The following OSR1 variants were observed in gnomAD, a reference collection of about 807,000 sequenced individuals.
OSR1 encodes the protein odd-skipped related transcription factor 1.
A neutral mutation model predicts 15.7 loss-of-function variants in OSR1; 3 were observed. That is an observed-to-expected ratio of 0.19 (90% CI 0.09 to 0.50). OSR1 has a LOEUF of 0.50. OSR1 is among the 20% of genes least tolerant of loss of function. The probability of loss-of-function intolerance (pLI) is 0.97; values close to 1 mark genes in which losing one functional copy is unlikely to be tolerated. For synonymous variants in OSR1, 166 were observed against 152.7 expected (o/e 1.09, Z -0.64); for missense variants, 271 against 351.1 (o/e 0.77, Z 1.82).
chr2:19,345,215 A>T, the OSR1 span, among the ~76,000 whole-genome samples: 2 of 152,202 alleles, frequency 1.3e-5, no homozygotes, highest in African/African-American at 4.8e-5. Flanking sequence ...CCTTTGTCAG[A>T]TGAGTAGGTT....
At chr2:19,350,132 G>T (rs2103357590), downstream of OSR1, among the ~76,000 whole-genome samples, 1 of 152,368 alleles carries the variant, frequency 6.6e-6, no homozygotes, top group African/African-American at 2.4e-5. Flanking sequence ...GACCAGACCA[G>T]ACTCAGCAGC....
In OSR1 at chr2:19,357,591, C is replaced by G. The variant is rs1664975924; in HGVS notation, c.-33+750G>C. 6.6e-6 allele frequency: 1 copy of G among 152,194 alleles called. No individual in the cohort carries two copies. The highest frequency in any genetic ancestry group is 6.5e-5 in the Admixed American group (1 of 15,278). 9.4% of individuals were successfully genotyped at this position (152,194 alleles called of 1,614,324 possible). ...ACTTTTCCTGTCCCCAGCCCGGAGA[C>G]CCTAGGGCTCCACAGAGTTTCCACT... On this transcript the variant is annotated intron_variant, in intron 1 of 2. Transcript: ENST00000272223. This position sits in a 1 kb window ranked among gnomAD's most constrained non-coding sequence, Gnocchi z 5.0.
downstream of OSR1, among the ~76,000 whole-genome samples, chr2:19,347,963 G>A (rs902471389): frequency 6.6e-6 from 1 of 152,250 alleles, no homozygotes; most frequent in Non-Finnish European, 1.5e-5. Flanking sequence ...GCAAAACACT[G>A]AACTCCGCGA....
In OSR1 at chr2:19,358,610, G is replaced by A. The variant is rs1049677687; in HGVS notation, c.-302C>T. ...TGAGAACGTGCCGGGGAGAGGCCGAGCTCCGACTCACTCATCCCTTAGCAC... is the reference window on the plus strand; with the variant it reads ...TGAGAACGTGCCGGGGAGAGGCCGAACTCCGACTCACTCATCCCTTAGCAC... On this transcript the variant is annotated 5_prime_UTR_variant, in exon 1 of 3. Coordinates refer to ENST00000272223, the MANE Select transcript of OSR1 (RefSeq NM_145260.3). 2.6e-5 allele frequency: 4 copies of A among 152,242 alleles called. No individual in the cohort carries two copies. Among genetic ancestry groups the A allele is most frequent in the African/African-American group, 9.7e-5 (4 of 41,448 alleles). The allele number at this position is 152,242 out of a possible 1,614,324, so 9.4% of individuals were successfully genotyped here. A position where few individuals can be genotyped will look rare whatever the true frequency, so the allele number is the denominator to read the frequency against.
rs1489056968 is a variant in OSR1 at position 19,358,533 on chromosome 2, G to T, written c.-225C>A. 6.6e-6 allele frequency: 1 copy of T among 152,274 alleles called. No homozygotes were observed. Among genetic ancestry groups the T allele is most frequent in the Non-Finnish European group, 1.5e-5 (1 of 68,084 alleles). 9.4% of individuals were successfully genotyped at this position (152,274 alleles called of 1,614,324 possible). A position where few individuals can be genotyped will look rare whatever the true frequency, so the allele number is the denominator to read the frequency against. On this transcript the variant is annotated 5_prime_UTR_variant, in exon 1 of 3. Coordinates refer to ENST00000272223, the MANE Select transcript of OSR1 (RefSeq NM_145260.3). ...AGCAGCCCCGGATCCTGCACGCCGG[G>T]GACGGTGAGCCTCGCTCGCGGCTCC...
rs923800427 is a variant in OSR1 at position 19,353,466 on chromosome 2, T to G, written c.340A>C (p.Lys114Gln). Residue 114 changes from lysine (K) to glutamine (Q), a missense_variant, in exon 2 of 3, where the codon AAG becomes CAG. Around this residue, in one of 4 missense-constraint regions of OSR1, gnomAD observed 210 missense variants for 218.4 expected, o/e 0.96. Transcript: ENST00000272223. Reference sequence around the variant, plus strand: ...AGGTTGGCAAAATCAAAGCGCGGCTTGGTCTTGAGCGCTGGAACGCTGCCT... The same window carrying G: ...AGGTTGGCAAAATCAAAGCGCGGCTGGGTCTTGAGCGCTGGAACGCTGCCT... Reference protein sequence around the residue: ...AGGSVPALKTKPRFDFANLAL... With the variant: ...AGGSVPALKTQPRFDFANLAL... 2 of 1,613,898 alleles carry G rather than the reference T, an allele frequency of 1.2e-6. No individual in the cohort carries two copies. The highest frequency in any genetic ancestry group is 2.7e-5 in the African/African-American group (2 of 74,942).
downstream of OSR1, among the ~76,000 whole-genome samples, chr2:19,348,206 G>T (rs1664772527): frequency 6.6e-6 from 1 of 152,142 alleles, no homozygotes; most frequent in Admixed American, 6.5e-5. Context: ...AGAAGAGGAC[G>T]CTGCAGGGCA....
At chr2:19,347,613 G>T (rs1202500015), downstream of OSR1, among the ~76,000 whole-genome samples, 1 of 152,236 alleles carries the variant, frequency 6.6e-6, no homozygotes, top group Admixed American at 6.5e-5. Flanking sequence ...CTCTAGAGAC[G>T]GCCCAGGAAG....
intron 2 of OSR1, 77 bp downstream of exon 2, chr2:19,353,064 T>C: frequency 6.5e-7 from 1 of 1,534,318 alleles, no homozygotes; most frequent in Non-Finnish European, 8.8e-7. Flanking sequence ...GTAGGGGGTC[T>C]CAAGAACCTC....
chr2:19,353,554 G>C lies in OSR1; in HGVS notation c.252C>G (p.Phe84Leu), dbSNP rs1483660555. Residue 84 changes from phenylalanine to leucine, a missense_variant, in exon 2 of 3, where the codon TTC becomes TTG. Phe to Leu is a conservative substitution (Grantham distance 22, BLOSUM62 0). Around this residue, in one of 4 missense-constraint regions of OSR1, gnomAD observed 210 missense variants for 218.4 expected, o/e 0.96. Coordinates refer to ENST00000272223, the MANE Select transcript of OSR1 (RefSeq NM_145260.3). ...GTVSSLVDARFQLPAFPWFPH... is the reference protein window; with the variant it reads ...GTVSSLVDARLQLPAFPWFPH... ...GGAACCAGGGAAAGGCGGGCAGCTG[G>C]AAGCGCGCATCCACCAAGCTGGACA... The C allele has an allele frequency of 1.2e-6, 2 of 1,614,132 alleles. No homozygotes were observed. Among genetic ancestry groups the C allele is most frequent in the Non-Finnish European group, 1.7e-6 (2 of 1,180,048 alleles).
At chr2:19,348,149 G>A (rs1389538589), downstream of OSR1, among the ~76,000 whole-genome samples, 1 of 152,158 alleles carries the variant, frequency 6.6e-6, no homozygotes, top group African/African-American at 2.4e-5. Flanking sequence ...GGCAACTGCT[G>A]CCCTGAAACC....
At chr2:19,354,389 T>TCACA (rs5829692) in intron 1 of OSR1, 3,431 of 146,442 alleles carry the variant, frequency 0.023, 64 homozygotes, top group African/African-American at 0.052. Context: ...CCCCTGAATC[T>TCACA]CACACACACA....
At position 19,352,108 on chromosome 2, in the gene OSR1, G is replaced by T. The variant is rs868334500; in HGVS notation, c.*167C>A. On this transcript the variant is annotated 3_prime_UTR_variant, in exon 3 of 3. Transcript: ENST00000272223. ...CAGGGACGGTCGGGGTCGCGGCCCCGGGCGGGGCTCTGAAGTGCCGCGTGC... is the reference window on the plus strand; with the variant it reads ...CAGGGACGGTCGGGGTCGCGGCCCCTGGCGGGGCTCTGAAGTGCCGCGTGC... The T allele has an allele frequency of 4.4e-6, 3 of 689,150 alleles. No homozygotes were observed. In the Middle Eastern group the frequency reaches 1.3e-3, roughly 301 times the overall value. The allele number at this position is 689,150 out of a possible 1,614,324, so 42.7% of individuals were successfully genotyped here.
intron 1 of OSR1, chr2:19,356,334 AAC>A (rs1167954452): frequency 6.6e-6 from 1 of 152,168 alleles, no homozygotes; most frequent in African/African-American, 2.4e-5. Context: ...TGTTTTCCCC[AAC>A]ACTACATTTA....
At position 19,351,577 on chromosome 2, in the gene OSR1, C is replaced by T. The variant is rs1307957589; in HGVS notation, c.*698G>A. 1.3e-5 allele frequency: 2 copies of T among 152,598 alleles called. No homozygotes were observed. The highest frequency in any genetic ancestry group is 2.4e-5 in the African/African-American group (1 of 41,438). 9.5% of individuals were successfully genotyped at this position (152,598 alleles called of 1,614,324 possible). On this transcript the variant is annotated 3_prime_UTR_variant, in exon 3 of 3. Transcript: ENST00000272223. ...CCGATGGTCAGCATAAAGTGCCAAT[C>T]GCAATATAACGCCCGGCTCTTGGCT...
chr2:19,352,174 C>CCGAG lies in OSR1; in HGVS notation c.*97_*100dup. The CCGAG allele has an allele frequency of 7.3e-7, 1 of 1,371,144 alleles. No homozygotes were observed. Among genetic ancestry groups the CCGAG allele is most frequent in the Non-Finnish European group, 1.0e-6 (1 of 1,002,512 alleles). The allele number at this position is 1,371,144 out of a possible 1,614,324, so 84.9% of individuals were successfully genotyped here. A position where few individuals can be genotyped will look rare whatever the true frequency, so the allele number is the denominator to read the frequency against. On this transcript the variant is annotated 3_prime_UTR_variant, in exon 3 of 3. Transcript: ENST00000272223. Reference sequence around the variant, plus strand: ...GACAATGTTGGAGAGGTGGAAGGTCCCGAGCGAGCGCCTCTCCCGCTGCCC... The same window carrying CCGAG: ...GACAATGTTGGAGAGGTGGAAGGTCCCGAGCGAGCGAGCGCCTCTCCCGCTGCCC...
chr2:19,352,037 AG>A lies in OSR1; in HGVS notation c.*237del. The A allele has an allele frequency of 2.5e-6, 1 of 402,890 alleles. No individual in the cohort carries two copies. The highest frequency in any genetic ancestry group is 4.4e-6 in the Non-Finnish European group (1 of 227,274). The allele number at this position is 402,890 out of a possible 1,614,324, so 25.0% of individuals were successfully genotyped here. Reference sequence around the variant, plus strand: ...AATGCAGTTTCCCTTCCGCCACGTGAGTACCGCCTTTTGGCCAAGAGTTTAG... The same window carrying A: ...AATGCAGTTTCCCTTCCGCCACGTGATACCGCCTTTTGGCCAAGAGTTTAG... On this transcript the variant is annotated 3_prime_UTR_variant, in exon 3 of 3. Transcript: ENST00000272223.
downstream of OSR1, among the ~76,000 whole-genome samples, chr2:19,350,994 G>A (rs556851246): frequency 2.6e-5 from 4 of 152,256 alleles, no homozygotes; most frequent in East Asian, 7.8e-4. Context: ...GTTGAGACCC[G>A]GGGAACGGGA....
downstream of OSR1, among the ~76,000 whole-genome samples, chr2:19,349,666 G>T (rs1664797460): frequency 6.6e-6 from 1 of 152,150 alleles, no homozygotes; most frequent in Non-Finnish European, 1.5e-5. Context: ...AACTGCAGAG[G>T]CTCGATCTTC....
Sources: allele counts gnomAD v4.1 joint callset (sites outside exome capture counted in the v4.1 genomes callset), GRCh38; gene constraint gnomAD v4.1.1; regional missense constraint gnomAD v4.1.1; non-coding constraint Gnocchi (gnomAD v3.1); transcripts MANE v1.5; gene names NCBI Gene and HGNC (gene_info 2026-07-23, HGNC 2026-07-21).